Variants in BRCA2 observed in about 807,000 individuals in gnomAD.
BRCA2 encodes the protein breast cancer type 2 susceptibility protein.
A neutral mutation model predicts 276.7 loss-of-function variants in BRCA2; 203 were observed. The ratio of observed to expected loss-of-function variants is 0.73; its 90% CI spans 0.65 to 0.82. The LOEUF (loss-of-function observed/expected upper bound fraction) is 0.82, where lower values mean the gene tolerates loss of function less well. Ranked by LOEUF, BRCA2 falls within the 40% of genes least tolerant of loss-of-function variation. The pLI, the probability that BRCA2 is intolerant of heterozygous loss-of-function variation, is 0.00. For synonymous variants in BRCA2, 1,289 were observed against 1,338.4 expected, an observed-to-expected ratio of 0.96 and a Z score of 0.81; for missense variants, 3,920 against 3,915.0, an observed-to-expected ratio of 1.00 and a Z score of -0.03.
chr13:32,316,425 T>C lies in BRCA2; in HGVS notation c.-36T>C, dbSNP rs1327232260. ...ATTTTGGTCTTCTGTTTTGCAGACT[T>C]ATTTACCAAGCATTGGAGGAATATC... On this transcript the variant is annotated 5_prime_UTR_variant, in exon 2 of 27. Coordinates refer to ENST00000380152, the MANE Select transcript of BRCA2 (RefSeq NM_000059.4). 1 of 1,585,846 alleles carries C rather than the reference T, an allele frequency of 6.3e-7. No homozygotes were observed. The highest frequency in any genetic ancestry group is 1.3e-5 in the African/African-American group (1 of 74,336).
chr13:32,332,181 C>T (rs2137464406), intron 9 of BRCA2, 91 bp from the exon 10 acceptor site: 1 of 1,261,720 alleles, frequency 7.9e-7, no homozygotes, highest in Non-Finnish European at 1.1e-6. Context: ...GCACATTCTA[C>T]ATAAACTGTT....
intron 24 of BRCA2, among the ~76,000 whole-genome samples, chr13:32,393,964 T>A (rs2073015647): frequency 6.6e-6 from 1 of 152,228 alleles, no homozygotes; most frequent in Non-Finnish European, 1.5e-5. Flanking sequence ...GTTTCTGAGT[T>A]TATCCTTCCT....
intron 15 of BRCA2, 85 bp downstream of exon 15, chr13:32,356,694 TA>T: frequency 1.4e-6 from 2 of 1,455,528 alleles, no homozygotes; most frequent in Non-Finnish European, 1.9e-6. Flanking sequence ...TGGCTTTGTT[TA>T]AAGAATGAAC....
In BRCA2 at chr13:32,379,531, C is replaced by T. The variant is rs81002892; in HGVS notation, c.8953+16C>T. On this transcript the variant is annotated intron_variant, in intron 22 of 26. Transcript: ENST00000380152. Reference sequence around the variant, plus strand: ...AAAGATTCAGGTAAGTATGTAAATGCTTTGTTTTTATCAGTTTTATTAACT... The same window carrying T: ...AAAGATTCAGGTAAGTATGTAAATGTTTTGTTTTTATCAGTTTTATTAACT... 5.0e-5 allele frequency: 81 copies of T among 1,609,200 alleles called. No homozygotes were observed. Among genetic ancestry groups the T allele is most frequent in the Non-Finnish European group, 5.8e-5 (68 of 1,177,784 alleles).
At position 32,397,011 on chromosome 13, in the gene BRCA2, T is replaced by C. The variant is rs1566260234; in HGVS notation, c.9615T>C (p.Ala3205=). 6.2e-7 allele frequency: 1 copy of C among 1,614,104 alleles called. No individual in the cohort carries two copies. The highest frequency in any genetic ancestry group is 1.7e-4 in the Middle Eastern group (1 of 6,060). The stretch of plus-strand genomic sequence containing the variant: ...ACTGTACTTCAGGGCCGTACACTGC[T>C]CAAATCATTCCTGGTACAGGAAACA... ...TKDCTSGPYT[A]QIIPGTGNKL... Residue 3205 remains alanine (A), a synonymous_variant, in exon 26 of 27, where the codon GCT becomes GCC. Transcript: ENST00000380152.
intron 24 of BRCA2, among the ~76,000 whole-genome samples, chr13:32,381,111 G>A (rs2072922007): frequency 6.6e-6 from 1 of 152,018 alleles, no homozygotes; most frequent in Non-Finnish European, 1.5e-5. Context: ...GGTCATATTT[G>A]GATGACTCTT....
chr13:32,360,997 T>G (rs952094165), intron 16 of BRCA2, among the ~76,000 whole-genome samples: 8 of 152,186 alleles, frequency 5.3e-5, no homozygotes, highest in Admixed American at 6.5e-5. Context: ...GAGTTTGGTT[T>G]TGGACATTTG....
rs2137488252 is a variant in BRCA2 at position 32,336,976 on chromosome 13, C to T, written c.2621C>T (p.Thr874Ile). 1 of 1,584,332 alleles carries T rather than the reference C, an allele frequency of 6.3e-7. No homozygotes were observed. Among genetic ancestry groups the T allele is most frequent in the Non-Finnish European group, 8.5e-7 (1 of 1,171,668 alleles). The part of the protein sequence containing the change: ...QEETTSISKI[T>I]VNPDSEELFS... The stretch of plus-strand genomic sequence containing the variant: ...GAAACTACTTCAATTTCAAAAATAA[C>T]TGTCAATCCAGACTCTGAAGAACTT... The change falls in exon 11 of 27, where the codon ACT (threonine) becomes ATT (isoleucine). Residue 874 changes from threonine (T) to isoleucine (I), a missense_variant. Thr to Ile is a moderately conservative substitution (Grantham distance 89). Around this residue, in one of 2 missense-constraint regions of BRCA2, gnomAD observed 3,263 missense variants for 3,156.9 expected, o/e 1.03. Transcript: ENST00000380152.
At chr13:32,323,296 G>T (rs1169166956) in intron 3 of BRCA2, among the ~76,000 whole-genome samples, 2 of 151,982 alleles carry the variant, frequency 1.3e-5, no homozygotes, top group Non-Finnish European at 2.9e-5. Flanking sequence ...GGGACTACAG[G>T]CACCCGCCAC....
At position 32,338,021 on chromosome 13, in the gene BRCA2, T is replaced by G. The variant is rs765890622; in HGVS notation, c.3666T>G (p.Ala1222=). 1.4e-5 allele frequency: 23 copies of G among 1,612,440 alleles called. No individual in the cohort carries two copies. In the South Asian group the frequency reaches 2.5e-4, roughly 18 times the overall value. ...NEVGFRGFYS[A]HGTKLNVSTE... ...TGGGGTTTAGGGGCTTTTATTCTGC[T>G]CATGGCACAAAACTGAATGTTTCTA... Residue 1222 remains alanine, a synonymous_variant, in exon 11 of 27, where the codon GCT becomes GCG. Transcript: ENST00000380152.
chr13:32,328,120 C>G (rs1464532551), intron 7 of BRCA2, among the ~76,000 whole-genome samples: 1 of 151,926 alleles, frequency 6.6e-6, no homozygotes, highest in African/African-American at 2.4e-5. Flanking sequence ...GATTATAGTA[C>G]AAACAAGTAT....
At chr13:32,346,983 A>G (rs1334400037) in intron 13 of BRCA2, 87 bp downstream of exon 13, 3 of 1,035,290 alleles carry the variant, frequency 2.9e-6, no homozygotes, top group East Asian at 2.6e-5. Flanking sequence ...AAATAATGAC[A>G]CTAACGTTAA....
chr13:32,337,312 A>G lies in BRCA2; in HGVS notation c.2957A>G (p.Asn986Ser), dbSNP rs28897718. 8.4e-5 allele frequency: 136 copies of G among 1,613,154 alleles called. No individual in the cohort carries two copies. The highest frequency in any genetic ancestry group is 1.1e-4 in the Non-Finnish European group (129 of 1,179,772). The change falls in exon 11 of 27, where the codon AAT becomes AGT. Residue 986 changes from asparagine (N) to serine (S), a missense_variant. Asn to Ser is a conservative substitution (Grantham distance 46). Coordinates refer to ENST00000380152, the MANE Select transcript of BRCA2 (RefSeq NM_000059.4). ...AATATAGATAAAATACCAGAAAAAA[A>G]TAATGATTACATGAACAAATGGGCA... ...SLNIDKIPEK[N>S]NDYMNKWAGL...
chr13:32,347,440 T>C (rs1321273505), intron 13 of BRCA2, among the ~76,000 whole-genome samples: 2 of 152,062 alleles, frequency 1.3e-5, no homozygotes, highest in African/African-American at 2.4e-5. Context: ...GAAGGTGAAG[T>C]AGAAAATAGG....
rs2072333279 is a variant in BRCA2, at chr13:32,325,033, T to A, written c.317-43T>A. 2.2e-6 allele frequency: 3 copies of A among 1,347,642 alleles called. No homozygotes were observed. In the East Asian group the frequency reaches 7.0e-5, roughly 32 times the overall value. 83.5% of individuals were successfully genotyped at this position (1,347,642 alleles called of 1,614,324 possible). A position where few individuals can be genotyped will look rare whatever the true frequency, so the allele number is the denominator to read the frequency against. ...ACTTCCAAAGAATGCAAATTTATAA[T>A]CCAGAGTATATACATTCTCACTGAA... is the stretch of plus-strand genomic sequence containing the variant. On this transcript the variant is annotated intron_variant, in intron 3 of 26. Transcript: ENST00000380152.
At position 32,363,444 on chromosome 13, in the gene BRCA2, G is replaced by A. The variant is rs56371528; in HGVS notation, c.8242G>A (p.Gly2748Ser). The A allele has an allele frequency of 3.7e-6, 6 of 1,614,064 alleles. No individual in the cohort carries two copies. Among genetic ancestry groups the A allele is most frequent in the Admixed American group, 3.3e-5 (2 of 60,012 alleles). Residue 2748 changes from glycine (G) to serine (S), a missense_variant, in exon 18 of 27, where the codon GGT becomes AGT. By Grantham distance (56) the Gly-to-Ser change is moderately conservative. Coordinates refer to ENST00000380152, the MANE Select transcript of BRCA2 (RefSeq NM_000059.4). ...CTTAAAGAATGGCAGACTGACAGTT[G>A]GTCAGAAGATTATTCTTCATGGAGC... ...AVLKNGRLTV[G>S]QKIILHGAEL...
intron 13 of BRCA2, among the ~76,000 whole-genome samples, chr13:32,354,500 G>A (rs2072673161): frequency 6.6e-6 from 1 of 152,150 alleles, no homozygotes; most frequent in African/African-American, 2.4e-5. Context: ...CTCCTGTGGA[G>A]ACTGAGGTAT....
Position 32,325,294 on chromosome 13 carries a change from G to T in BRCA2, c.425+110G>T, listed in dbSNP as rs2072336463. On this transcript the variant is annotated intron_variant, in intron 4 of 26. Coordinates refer to ENST00000380152, the MANE Select transcript of BRCA2 (RefSeq NM_000059.4). Reference sequence around the variant, plus strand: ...TGCTAATATTTTGGCTAAGAGCCTGGTAGAAGATCTTACATTTTTAAATAA... The same window carrying T: ...TGCTAATATTTTGGCTAAGAGCCTGTTAGAAGATCTTACATTTTTAAATAA... The T allele has an allele frequency of 2.1e-5, 16 of 776,342 alleles. No individual in the cohort carries two copies. The Admixed American group carries it at 4.0e-4, about 19-fold the overall frequency. The allele number at this position is 776,342 out of a possible 1,614,324, so 48.1% of individuals were successfully genotyped here. A position where few individuals can be genotyped will look rare whatever the true frequency, so the allele number is the denominator to read the frequency against.
intron 14 of BRCA2, among the ~76,000 whole-genome samples, chr13:32,356,047 CTTT>C (rs761465579): frequency 7.1e-6 from 1 of 141,254 alleles, no homozygotes. Context: ...AGGGCTTGCG[CTTT>C]TTTTTTTTTG....
Sources: gnomAD v4.1 joint callset for allele counts (sites outside exome capture counted in the v4.1 genomes callset) on GRCh38, gnomAD v4.1.1 for gene constraint, gnomAD v4.1.1 regional missense constraint, MANE v1.5 for transcripts, NCBI Gene and HGNC (gene_info 2026-07-23, HGNC 2026-07-21) for gene names.